Variants in SRXN1 observed in about 807,000 individuals in gnomAD.
The protein encoded by SRXN1 is sulfiredoxin-1.
In SRXN1, 11 loss-of-function variants were observed where a neutral mutation model predicts 11.0. The ratio of observed to expected loss-of-function variants is 1.00; its 90% CI spans 0.63 to 1.65. The LOEUF is 1.65. Among genes scored for constraint, SRXN1 ranks in the 40% most tolerant of loss-of-function variants. The pLI is 0.00. For missense variants in SRXN1, 211 were observed against 194.5 expected (o/e 1.08, Z -0.50); for synonymous variants, 106 against 92.8 (o/e 1.14, Z -0.82).
rs921771953 is a variant in SRXN1 at position 647,419 on chromosome 20, G to A, written c.*1295C>T. On this transcript the variant is annotated 3_prime_UTR_variant, in exon 2 of 2. Transcript: ENST00000381962. Reference sequence around the variant, plus strand: ...GTCTGTTTCTCATCCCTTGAATCTGGGTAAAGCCTTGTGATTTGCTCTGAC... The same window carrying A: ...GTCTGTTTCTCATCCCTTGAATCTGAGTAAAGCCTTGTGATTTGCTCTGAC... The A allele has an allele frequency of 1.3e-5, 2 of 152,592 alleles. No homozygotes were observed. Among genetic ancestry groups the A allele is most frequent in the Non-Finnish European group, 2.9e-5 (2 of 68,338 alleles). 9.5% of individuals were successfully genotyped at this position (152,592 alleles called of 1,614,324 possible).
chr20:649,984 G>A (rs1983632651), intron 1 of SRXN1, among the ~76,000 whole-genome samples: 1 of 152,208 alleles, frequency 6.6e-6, no homozygotes, highest in Non-Finnish European at 1.5e-5. Flanking sequence ...AACGTTCCAT[G>A]CAAAGGGAAC....
Position 648,158 on chromosome 20 carries a change from A to C in SRXN1, c.*556T>G. 4.4e-6 allele frequency: 2 copies of C among 456,218 alleles called. No homozygotes were observed. The highest frequency in any genetic ancestry group is 8.8e-6 in the Non-Finnish European group (2 of 226,956). The allele number at this position is 456,218 out of a possible 1,614,324, so 28.3% of individuals were successfully genotyped here. On this transcript the variant is annotated 3_prime_UTR_variant, in exon 2 of 2. Coordinates refer to ENST00000381962, the MANE Select transcript of SRXN1 (RefSeq NM_080725.3). ...CCCTCCTTCCTTGAACGCAGACATG[A>C]TTCTTGGGGATACAGCAGCCATCTT...
intron 1 of SRXN1, among the ~76,000 whole-genome samples, chr20:652,064 C>A (rs949484479): frequency 2.0e-5 from 3 of 152,162 alleles, no homozygotes; most frequent in Admixed American, 1.3e-4. Context: ...AAGTGGTATC[C>A]TGAAAAACAT....
In SRXN1 at chr20:648,368, G is replaced by A. The variant is rs1331901963; in HGVS notation, c.*346C>T. ...GGTTTTCCTTTCCTTGCAGCTGAAT[G>A]TAGTCCATATAAGAGGTTACATAGA... On this transcript the variant is annotated 3_prime_UTR_variant, in exon 2 of 2. Transcript: ENST00000381962. 2.0e-6 allele frequency: 1 copy of A among 497,410 alleles called. No homozygotes were observed. Among genetic ancestry groups the A allele is most frequent in the South Asian group, 1.5e-5 (1 of 64,954 alleles). The allele number at this position is 497,410 out of a possible 1,614,324, so 30.8% of individuals were successfully genotyped here. A position where few individuals can be genotyped will look rare whatever the true frequency, so the allele number is the denominator to read the frequency against.
At chr20:651,642 C>T (rs1464403206) in intron 1 of SRXN1, among the ~76,000 whole-genome samples, 2 of 151,396 alleles carry the variant, frequency 1.3e-5, no homozygotes, top group East Asian at 1.9e-4. Context: ...CAAGATCGTG[C>T]CACTGCACTC....
intron 1 of SRXN1, 36 bp downstream of exon 1, chr20:652,940 C>G: frequency 7.2e-7 from 1 of 1,393,238 alleles, no homozygotes; most frequent in Non-Finnish European, 9.4e-7. Flanking sequence ...CCTCCGAAGC[C>G]CTCCCTCCGG....
Position 652,690 on chromosome 20 carries a change from T to C in SRXN1, c.210+286A>G, listed in dbSNP as rs1013891617. On this transcript the variant is annotated intron_variant, in intron 1 of 1. Coordinates refer to ENST00000381962, the MANE Select transcript of SRXN1 (RefSeq NM_080725.3). ...CACTATCTACCTCCTAGGGTTGGCA[T>C]AGGAAACTGAGGGACTTCCTGCAGT... 1.8e-4 allele frequency among the ~76,000 whole-genome samples: 28 copies of C among 152,288 alleles called. No homozygotes were observed. The East Asian group carries it at 5.0e-3, about 27-fold the overall frequency.
chr20:652,969 G>T lies in SRXN1; in HGVS notation c.210+7C>A. ...CCTCCGGTTGGCTGGACTCCCCGAG[G>T]CCTCACCCGGATCGTGTCCACGAGG... is the stretch of plus-strand genomic sequence containing the variant. On this transcript the variant is annotated splice_region_variant and intron_variant, in intron 1 of 1. Coordinates refer to ENST00000381962, the MANE Select transcript of SRXN1 (RefSeq NM_080725.3). 1 of 1,486,960 alleles carries T rather than the reference G, an allele frequency of 6.7e-7. No homozygotes were observed. The allele number at this position is 1,486,960 out of a possible 1,614,324, so 92.1% of individuals were successfully genotyped here.
chr20:651,020 G>A (rs1401262356), intron 1 of SRXN1, among the ~76,000 whole-genome samples: 1 of 152,220 alleles, frequency 6.6e-6, no homozygotes, highest in South Asian at 2.1e-4. Flanking sequence ...CCATTATCAG[G>A]GTCCTTAAAA....
Position 648,794 on chromosome 20 carries a change from T to C in SRXN1, c.334A>G (p.Thr112Ala). The C allele has an allele frequency of 6.2e-7, 1 of 1,614,200 alleles. No homozygotes were observed. Among genetic ancestry groups the C allele is most frequent in the Admixed American group, 1.7e-5 (1 of 60,030 alleles). Residue 112 changes from threonine (T) to alanine (A), a missense_variant, in exon 2 of 2, where the codon ACC becomes GCC. By Grantham distance (58) the Thr-to-Ala change is moderately conservative. Transcript: ENST00000381962. Reference sequence around the variant, plus strand: ...GACTGGACAAGCTTGGCGGGGATGGTCTCTCGCTGCAGTTGCTGGTAGGCC... The same window carrying C: ...GACTGGACAAGCTTGGCGGGGATGGCCTCTCGCTGCAGTTGCTGGTAGGCC... ...YAAYQQLQRETIPAKLVQSTL... is the reference protein window; with the variant it reads ...YAAYQQLQREAIPAKLVQSTL...
chr20:648,965 A>G (rs770757341), intron 1 of SRXN1, 48 bp from the exon 2 acceptor site: 26 of 1,598,340 alleles, frequency 1.6e-5, no homozygotes, highest in Non-Finnish European at 2.2e-5. Flanking sequence ...AAGGCTTGAG[A>G]GTTTGTAAAG....
In SRXN1 at chr20:648,048, G is replaced by C. The variant is rs755072033; in HGVS notation, c.*666C>G. On this transcript the variant is annotated 3_prime_UTR_variant, in exon 2 of 2. Coordinates refer to ENST00000381962, the MANE Select transcript of SRXN1 (RefSeq NM_080725.3). The stretch of plus-strand genomic sequence containing the variant: ...CTAAGTGAAGATATGCAGAGGGAGA[G>C]AGCAGGAAACAGACTTCTGACGAGG... The C allele has an allele frequency of 6.8e-5, 31 of 456,042 alleles. No homozygotes were observed. Among genetic ancestry groups the C allele is most frequent in the African/African-American group, 5.4e-4 (27 of 50,094 alleles). 28.2% of individuals were successfully genotyped at this position (456,042 alleles called of 1,614,324 possible).
At chr20:649,845 G>A (rs997492222) in intron 1 of SRXN1, among the ~76,000 whole-genome samples, 5 of 152,144 alleles carry the variant, frequency 3.3e-5, no homozygotes, top group African/African-American at 1.2e-4. Context: ...CTATCAAATT[G>A]GATGGAGATA....
Position 648,739 on chromosome 20 carries a change from C to T in SRXN1, c.389G>A (p.Gly130Glu). The change falls in exon 2 of 2, where the codon GGA (glycine) becomes GAA (glutamate). Residue 130 changes from glycine to glutamate, a missense_variant. Transcript: ENST00000381962. ...STLSDLRVYLGASTPDLQ is the reference protein window; with the variant it reads ...STLSDLRVYLEASTPDLQ ...CTACTGCAAGTCTGGTGTGGATGCT[C>T]CCAGGTACACCCTTAGGTCTGAGAG... The T allele has an allele frequency of 1.9e-6, 3 of 1,614,240 alleles. No homozygotes were observed. Among genetic ancestry groups the T allele is most frequent in the Non-Finnish European group, 1.7e-6 (2 of 1,180,032 alleles).
At chr20:650,173 G>C (rs1162589718) in intron 1 of SRXN1, among the ~76,000 whole-genome samples, 2 of 152,170 alleles carry the variant, frequency 1.3e-5, no homozygotes, top group African/African-American at 4.8e-5. Context: ...ACAGGGGAGG[G>C]TGACATGATC....
intron 1 of SRXN1, among the ~76,000 whole-genome samples, chr20:652,341 G>A (rs1600465814): frequency 6.6e-6 from 1 of 152,170 alleles, no homozygotes; most frequent in African/African-American, 2.4e-5. Flanking sequence ...CCTGACACCT[G>A]TTCTTGCGGG....
Position 648,123 on chromosome 20 carries a change from C to CTTCCTCCACCCCTCCTTCCTT in SRXN1, c.*570_*590dup. On this transcript the variant is annotated 3_prime_UTR_variant, in exon 2 of 2. Transcript: ENST00000381962. Reference sequence around the variant, plus strand: ...GGGTCCAGCTAGTTTGGCCCTTCCTCTTCCTCCACCCCTCCTTCCTTGAAC... The same window carrying CTTCCTCCACCCCTCCTTCCTT: ...GGGTCCAGCTAGTTTGGCCCTTCCTCTTCCTCCACCCCTCCTTCCTTTTCCTCCACCCCTCCTTCCTTGAAC... 2.2e-6 allele frequency: 1 copy of CTTCCTCCACCCCTCCTTCCTT among 456,306 alleles called. No individual in the cohort carries two copies. The highest frequency in any genetic ancestry group is 4.4e-6 in the Non-Finnish European group (1 of 226,978). The allele number at this position is 456,306 out of a possible 1,614,324, so 28.3% of individuals were successfully genotyped here.
chr20:649,645 T>C (rs1600464800), intron 1 of SRXN1, among the ~76,000 whole-genome samples: 3 of 149,522 alleles, frequency 2.0e-5, no homozygotes, highest in Admixed American at 6.8e-5. Context: ...GAGGTTGCAG[T>C]GAGCTGAGAT....
At chr20:650,854 G>A (rs113423856) in intron 1 of SRXN1, among the ~76,000 whole-genome samples, 7 of 152,256 alleles carry the variant, frequency 4.6e-5, no homozygotes, top group Non-Finnish European at 1.0e-4. Context: ...CTGGAGGCAC[G>A]ATGGTGGATG....
Sources: allele counts gnomAD v4.1 joint callset (sites outside exome capture counted in the v4.1 genomes callset), GRCh38; gene constraint gnomAD v4.1.1; transcripts MANE v1.5; gene names NCBI Gene and HGNC (gene_info 2026-07-23, HGNC 2026-07-21).